Variants in EME2 observed in about 807,000 individuals in gnomAD.
EME2 encodes the protein essential meiotic structure-specific endonuclease subunit 2.
Under a neutral mutation model 41.9 loss-of-function variants are expected in EME2, and 58 were observed. The observed-to-expected ratio is 1.38, with a 90% confidence interval of 1.12 to 1.72. The LOEUF is 1.72. Among genes scored for constraint, EME2 ranks in the 40% most tolerant of loss-of-function variants. The pLI is 0.00. For missense variants in EME2, 695 were observed against 541.9 expected, an observed-to-expected ratio of 1.28 and a Z score of -2.81; for synonymous variants, 334 against 239.3, an observed-to-expected ratio of 1.40 and a Z score of -3.65.
chr16:1,774,456 G>A, intron 3 of EME2, 104 bp downstream of exon 3: 4 of 906,668 alleles, frequency 4.4e-6, no homozygotes, highest in Non-Finnish European at 7.0e-6. Context: ...GGGGCTGGAG[G>A]GGGCATGGGG....
At position 1,778,291 on chromosome 16, in the gene EME2, T is replaced by C. The variant is rs1361802834; in HGVS notation, c.*2053T>C. 5.6e-6 allele frequency: 9 copies of C among 1,612,468 alleles called. No homozygotes were observed. The highest frequency in any genetic ancestry group is 5.9e-6 in the Non-Finnish European group (7 of 1,179,990). Reference sequence around the variant, plus strand: ...ACAGCTCAGCAGGGTGGCTGATGACTTATTTAAGTCATCCCAGACCCAGTC... The same window carrying C: ...ACAGCTCAGCAGGGTGGCTGATGACCTATTTAAGTCATCCCAGACCCAGTC... On this transcript the variant is annotated 3_prime_UTR_variant, in exon 8 of 8. Transcript: ENST00000568449.
chr16:1,775,721 C>G, intron 6 of EME2, 37 bp downstream of exon 6: 1 of 1,612,772 alleles, frequency 6.2e-7, no homozygotes, highest in Non-Finnish European at 8.5e-7. Flanking sequence ...GCAGGATCAC[C>G]TCAAGGTAGT....
In EME2 at chr16:1,775,703, G is replaced by A. The variant is rs562748430; in HGVS notation, c.779+19G>A. On this transcript the variant is annotated intron_variant, in intron 6 of 7. Coordinates refer to ENST00000568449, the MANE Select transcript of EME2 (RefSeq NM_001257370.2). ...CCCTCAAGTGCGTGATGCCAAGGCT[G>A]AAGGGGGGCAGGATCACCTCAAGGT... The A allele has an allele frequency of 1.9e-6, 3 of 1,612,880 alleles. No homozygotes were observed. Among genetic ancestry groups the A allele is most frequent in the African/African-American group, 2.7e-5 (2 of 75,074 alleles).
chr16:1,775,085 C>T lies in EME2; in HGVS notation c.522C>T (p.Thr174=). The part of the protein sequence containing the change: ...THWVPWISPE[T]TARPHLAVIG... ...GGGTGCCCTGGATCTCCCCCGAGAC[C>T]ACCGCCCGGCCCCACCTGGCTGTCA... Residue 174 remains threonine (T), a synonymous_variant, in exon 4 of 8, where the codon ACC becomes ACT. Coordinates refer to ENST00000568449, the MANE Select transcript of EME2 (RefSeq NM_001257370.2). The T allele has an allele frequency of 1.2e-6, 2 of 1,611,170 alleles. No homozygotes were observed. The highest frequency in any genetic ancestry group is 1.7e-6 in the Non-Finnish European group (2 of 1,179,976).
At position 1,779,786 on chromosome 16, in the gene EME2, C is replaced by G. The variant is rs560197468; in HGVS notation, c.*3548C>G. 6.6e-6 allele frequency: 1 copy of G among 152,240 alleles called. No homozygotes were observed. The highest frequency in any genetic ancestry group is 2.4e-5 in the African/African-American group (1 of 41,452). The allele number at this position is 152,240 out of a possible 1,614,324, so 9.4% of individuals were successfully genotyped here. A position where few individuals can be genotyped will look rare whatever the true frequency, so the allele number is the denominator to read the frequency against. On this transcript the variant is annotated 3_prime_UTR_variant, in exon 8 of 8. Coordinates refer to ENST00000568449, the MANE Select transcript of EME2 (RefSeq NM_001257370.2). ...GACACAGGACAAGCAGCACATGTGTCGAACACTGCCGAGCCCGCAGGCACG... is the reference window on the plus strand; with the variant it reads ...GACACAGGACAAGCAGCACATGTGTGGAACACTGCCGAGCCCGCAGGCACG...
rs376350333 is a variant in EME2 at position 1,777,917 on chromosome 16, G to GGCCCC, written c.*1685_*1689dup. 37 of 1,611,834 alleles carry GGCCCC rather than the reference G, an allele frequency of 2.3e-5. No individual in the cohort carries two copies. Among genetic ancestry groups the GGCCCC allele is most frequent in the Middle Eastern group, 1.7e-4 (1 of 6,042 alleles). On this transcript the variant is annotated 3_prime_UTR_variant, in exon 8 of 8. Coordinates refer to ENST00000568449, the MANE Select transcript of EME2 (RefSeq NM_001257370.2). Reference sequence around the variant, plus strand: ...CAGTGAGCCCGGGAGCTCCAGGCTCGGCCCCGCCCCACCCTGGGCCTCACG... The same window carrying GGCCCC: ...CAGTGAGCCCGGGAGCTCCAGGCTCGGCCCCGCCCCGCCCCACCCTGGGCCTCACG...
In EME2 at chr16:1,776,464, C is replaced by G. The variant is rs1365624239; in HGVS notation, c.*226C>G. 1 of 527,352 alleles carries G rather than the reference C, an allele frequency of 1.9e-6. No individual in the cohort carries two copies. Among genetic ancestry groups the G allele is most frequent in the African/African-American group, 2.1e-5 (1 of 47,812 alleles). The allele number at this position is 527,352 out of a possible 1,614,324, so 32.7% of individuals were successfully genotyped here. The stretch of plus-strand genomic sequence containing the variant: ...ATGGCTGGCGGTTCCTGTGCTGAGT[C>G]CTGAACACGTAGGCCCCAGGGGAGG... On this transcript the variant is annotated 3_prime_UTR_variant, in exon 8 of 8. Transcript: ENST00000568449.
chr16:1,781,217 G>A lies in EME2; in HGVS notation c.*4979G>A, dbSNP rs757402377. On this transcript the variant is annotated 3_prime_UTR_variant, in exon 8 of 8. Transcript: ENST00000568449. Reference sequence around the variant, plus strand: ...CTGAATGCGGTGCATCCAGGAGACAGGCCCAGGTTTGGACTGGTCCTCTAG... The same window carrying A: ...CTGAATGCGGTGCATCCAGGAGACAAGCCCAGGTTTGGACTGGTCCTCTAG... 6.3e-7 allele frequency: 1 copy of A among 1,576,290 alleles called. No individual in the cohort carries two copies. The highest frequency in any genetic ancestry group is 1.1e-5 in the South Asian group (1 of 87,484).
chr16:1,775,178 G>A (rs2042691643), intron 4 of EME2, 46 bp downstream of exon 4: 3 of 1,599,458 alleles, frequency 1.9e-6, no homozygotes, highest in South Asian at 2.2e-5. Context: ...TGGGACGGGG[G>A]TTCAGGGGAG....
chr16:1,778,051 A>G lies in EME2; in HGVS notation c.*1813A>G. 1.2e-6 allele frequency: 2 copies of G among 1,613,134 alleles called. No homozygotes were observed. The highest frequency in any genetic ancestry group is 1.7e-4 in the Middle Eastern group (1 of 6,060). ...TCCGACGTCCCGATGCCCACCATCT[A>G]GGAACAGGGGCCAGGCAGAGGGCGC... is the stretch of plus-strand genomic sequence containing the variant. On this transcript the variant is annotated 3_prime_UTR_variant, in exon 8 of 8. Transcript: ENST00000568449.
chr16:1,775,196 C>T, intron 4 of EME2, 64 bp downstream of exon 4: 2 of 1,590,460 alleles, frequency 1.3e-6, no homozygotes, highest in Non-Finnish European at 8.6e-7. Context: ...GAGGTGGGCA[C>T]ACTTCTGGGG....
rs1896715662 is a variant in EME2, at chr16:1,781,616, C to T, written c.*5378C>T. 3 of 1,084,210 alleles carry T rather than the reference C, an allele frequency of 2.8e-6. No homozygotes were observed. The African/African-American group carries it at 4.8e-5, about 17-fold the overall frequency. 67.2% of individuals were successfully genotyped at this position (1,084,210 alleles called of 1,614,324 possible). ...TGCAGGGGCCGCACCGGTGCCCAGC[C>T]AGGGCTCCAGAACGCTTCAGGAGCC... is the stretch of plus-strand genomic sequence containing the variant. On this transcript the variant is annotated 3_prime_UTR_variant, in exon 8 of 8. Coordinates refer to ENST00000568449, the MANE Select transcript of EME2 (RefSeq NM_001257370.2).
In EME2 at chr16:1,778,444, C is replaced by T. The variant is rs2042747280; in HGVS notation, c.*2206C>T. On this transcript the variant is annotated 3_prime_UTR_variant, in exon 8 of 8. Coordinates refer to ENST00000568449, the MANE Select transcript of EME2 (RefSeq NM_001257370.2). ...TGGGCCCCACGCTCACACTCGTCTT[C>T]CTCTCCGCAGCGGCAGTCCCTGCCC... is the stretch of plus-strand genomic sequence containing the variant. The T allele has an allele frequency of 6.2e-7, 1 of 1,609,604 alleles. No homozygotes were observed. The highest frequency in any genetic ancestry group is 8.5e-7 in the Non-Finnish European group (1 of 1,178,366).
rs755514558 is a variant in EME2 at position 1,777,064 on chromosome 16, C to A, written c.*826C>A. On this transcript the variant is annotated 3_prime_UTR_variant, in exon 8 of 8. Coordinates refer to ENST00000568449, the MANE Select transcript of EME2 (RefSeq NM_001257370.2). Reference sequence around the variant, plus strand: ...AAGGGACAGAGGAAAGGGGCTGTCCCAGCCCAAGAAGGCAGTTCCACTGGG... The same window carrying A: ...AAGGGACAGAGGAAAGGGGCTGTCCAAGCCCAAGAAGGCAGTTCCACTGGG... 4 of 1,598,976 alleles carry A rather than the reference C, an allele frequency of 2.5e-6. No homozygotes were observed. The highest frequency in any genetic ancestry group is 3.4e-6 in the Non-Finnish European group (4 of 1,171,822).
Position 1,777,541 on chromosome 16 carries a change from G to C in EME2, c.*1303G>C. On this transcript the variant is annotated 3_prime_UTR_variant, in exon 8 of 8. Coordinates refer to ENST00000568449, the MANE Select transcript of EME2 (RefSeq NM_001257370.2). ...CACGCTACAGTCACCCGGGTGGGCA[G>C]CTGGCACAGCTGAGGCAAGGCAGGG... The C allele has an allele frequency of 7.3e-7, 1 of 1,369,144 alleles. No homozygotes were observed. The allele number at this position is 1,369,144 out of a possible 1,614,324, so 84.8% of individuals were successfully genotyped here.
Position 1,776,840 on chromosome 16 carries a change from G to GCCAGGC in EME2, c.*603_*608dup, listed in dbSNP as rs980681203. 2 of 538,216 alleles carry GCCAGGC rather than the reference G, an allele frequency of 3.7e-6. No homozygotes were observed. Among genetic ancestry groups the GCCAGGC allele is most frequent in the Admixed American group, 7.0e-5 (2 of 28,718 alleles). The allele number at this position is 538,216 out of a possible 1,614,324, so 33.3% of individuals were successfully genotyped here. On this transcript the variant is annotated 3_prime_UTR_variant, in exon 8 of 8. Transcript: ENST00000568449. ...TGTGGGAACAGCAACGCGGGCTCCA[G>GCCAGGC]CCAGGCTCTCGTCCTCGCAGCCTCC...
At position 1,775,366 on chromosome 16, in the gene EME2, G is replaced by C. The variant is rs1364101713; in HGVS notation, c.621G>C (p.Val207=). The change falls in exon 5 of 8, where the codon GTG becomes GTC. Residue 207 remains valine, a synonymous_variant. Transcript: ENST00000568449. ...CACAGCAGCCAGAGAGCCCGAAGGT[G>C]GCCGGTGCCGAGGTGGCCGTCAGCT... ...RGTQQPESPK[V]AGAEVAVSWP... 3.7e-5 allele frequency: 60 copies of C among 1,610,330 alleles called. No individual in the cohort carries two copies. Among genetic ancestry groups the C allele is most frequent in the Non-Finnish European group, 4.8e-5 (57 of 1,178,518 alleles).
chr16:1,778,259 G>A lies in EME2; in HGVS notation c.*2021G>A, dbSNP rs1254735508. On this transcript the variant is annotated 3_prime_UTR_variant, in exon 8 of 8. Coordinates refer to ENST00000568449, the MANE Select transcript of EME2 (RefSeq NM_001257370.2). ...TACTCCATGTGGAAGCTGACCTTAC[G>A]GTTGTCACAGCTCAGCAGGGTGGCT... The A allele has an allele frequency of 2.5e-6, 4 of 1,612,870 alleles. No homozygotes were observed. The highest frequency in any genetic ancestry group is 3.4e-6 in the Non-Finnish European group (4 of 1,179,992).
In EME2 at chr16:1,778,461, T is replaced by C. The variant is rs766098083; in HGVS notation, c.*2223T>C. Reference sequence around the variant, plus strand: ...CTCGTCTTCCTCTCCGCAGCGGCAGTCCCTGCCCCGGTGGGCCGAGTGCAG... The same window carrying C: ...CTCGTCTTCCTCTCCGCAGCGGCAGCCCCTGCCCCGGTGGGCCGAGTGCAG... On this transcript the variant is annotated 3_prime_UTR_variant, in exon 8 of 8. Transcript: ENST00000568449. 6.2e-7 allele frequency: 1 copy of C among 1,610,898 alleles called. No homozygotes were observed. The highest frequency in any genetic ancestry group is 2.2e-5 in the East Asian group (1 of 44,850).
Sources: gnomAD v4.1 joint callset for allele counts on GRCh38, gnomAD v4.1.1 for gene constraint, MANE v1.5 for transcripts, NCBI Gene and HGNC (gene_info 2026-07-23, HGNC 2026-07-21) for gene names.